BCL2L1: variants seen among roughly 807,000 people sequenced by gnomAD.
BCL2L1 encodes BCL2 like 1.
In BCL2L1, 1 loss-of-function variant was observed where a neutral mutation model predicts 18.7. That is an observed-to-expected ratio of 0.05 (90% confidence interval 0.02 to 0.25). BCL2L1 has a LOEUF of 0.25. Among genes scored for constraint, BCL2L1 ranks in the 10% least tolerant of loss-of-function variants. The pLI is 1.00. For missense variants in BCL2L1, 207 were observed against 304.9 expected, an observed-to-expected ratio of 0.68 and a Z score of 2.39; for synonymous variants, 103 against 122.7, an observed-to-expected ratio of 0.84 and a Z score of 1.06.
intron 2 of BCL2L1, among the ~76,000 whole-genome samples, chr20:31,709,767 G>A (rs1568893646): frequency 3.3e-5 from 5 of 149,308 alleles, no homozygotes; most frequent in African/African-American, 1.2e-4. Flanking sequence ...CCTGGGAGGC[G>A]GAGCTTGCAG....
intron 2 of BCL2L1, among the ~76,000 whole-genome samples, chr20:31,683,667 G>A (rs1392333451): frequency 6.7e-6 from 1 of 150,126 alleles, no homozygotes; most frequent in Admixed American, 6.8e-5. Context: ...TACTCAAGAG[G>A]CTGAGGCAAA....
At chr20:31,692,863 C>T (rs1000168398) in intron 2 of BCL2L1, among the ~76,000 whole-genome samples, 8 of 151,634 alleles carry the variant, frequency 5.3e-5, no homozygotes, top group South Asian at 2.1e-4. Flanking sequence ...AAGCCAAGAT[C>T]GCACCACACT....
intron 2 of BCL2L1, among the ~76,000 whole-genome samples, chr20:31,713,847 G>A (rs2061487103): frequency 6.6e-6 from 1 of 152,210 alleles, no homozygotes; most frequent in South Asian, 2.1e-4. Flanking sequence ...TAGTAGTCAA[G>A]TTCCAATTTG....
At chr20:31,678,584 A>C (rs1046874482) in intron 2 of BCL2L1, among the ~76,000 whole-genome samples, 5 of 152,172 alleles carry the variant, frequency 3.3e-5, no homozygotes, top group Admixed American at 1.3e-4. Flanking sequence ...AAGTAGGAGA[A>C]CTTGTTGCCA....
chr20:31,717,027 C>T (rs2061547815), intron 2 of BCL2L1, among the ~76,000 whole-genome samples: 1 of 152,106 alleles, frequency 6.6e-6, no homozygotes, highest in Non-Finnish European at 1.5e-5. Context: ...AGAGGGAGTC[C>T]TTAGGGAGGA....
intron 2 of BCL2L1, among the ~76,000 whole-genome samples, chr20:31,684,078 C>T (rs2060914097): frequency 6.6e-6 from 1 of 152,116 alleles, no homozygotes; most frequent in Non-Finnish European, 1.5e-5. Context: ...AGACCCAGGG[C>T]AGAGTCAGCC....
intron 2 of BCL2L1, among the ~76,000 whole-genome samples, chr20:31,695,171 C>G (rs1042110870): frequency 1.3e-5 from 2 of 152,214 alleles, no homozygotes; most frequent in African/African-American, 2.4e-5. Context: ...CCCATCCACC[C>G]TGGTATAAAC....
At position 31,722,232 on chromosome 20, in the gene BCL2L1, A is replaced by C; in HGVS notation, c.-14T>G. 1 of 1,488,092 alleles carries C rather than the reference A, an allele frequency of 6.7e-7. No individual in the cohort carries two copies. Among genetic ancestry groups the C allele is most frequent in the Non-Finnish European group, 8.9e-7 (1 of 1,124,206 alleles). 92.2% of individuals were successfully genotyped at this position (1,488,092 alleles called of 1,614,324 possible). A position where few individuals can be genotyped will look rare whatever the true frequency, so the allele number is the denominator to read the frequency against. On this transcript the variant is annotated 5_prime_UTR_variant, in exon 2 of 3. Coordinates refer to ENST00000307677, the MANE Select transcript of BCL2L1 (RefSeq NM_138578.3). Reference sequence around the variant, plus strand: ...GCTCTGAGACATTTTTATAATAGGGATGGGCTCAACCAGTCCATTGTCCAA... The same window carrying C: ...GCTCTGAGACATTTTTATAATAGGGCTGGGCTCAACCAGTCCATTGTCCAA...
At chr20:31,683,998 G>A (rs111925138) in intron 2 of BCL2L1, among the ~76,000 whole-genome samples, 15 of 152,152 alleles carry the variant, frequency 9.9e-5, no homozygotes, top group African/African-American at 3.6e-4. Flanking sequence ...AACAGAAAAT[G>A]TCCATCTGCA....
At chr20:31,671,902 C>CTA (rs974120229) in intron 2 of BCL2L1, among the ~76,000 whole-genome samples, 1 of 143,786 alleles carries the variant, frequency 7.0e-6, no homozygotes, top group East Asian at 2.0e-4. Flanking sequence ...ACTGTATATA[C>CTA]TATATATATA....
chr20:31,667,985 TA>T (rs1451957956), intron 2 of BCL2L1, among the ~76,000 whole-genome samples: 3 of 152,094 alleles, frequency 2.0e-5, no homozygotes, highest in African/African-American at 7.2e-5. Flanking sequence ...ACACCTGAAA[TA>T]AAGTCCCCAC....
chr20:31,680,593 C>T (rs907619242), intron 2 of BCL2L1, among the ~76,000 whole-genome samples: 4 of 152,176 alleles, frequency 2.6e-5, no homozygotes, highest in African/African-American at 9.7e-5. Context: ...GGGACATGAC[C>T]TATTTGTAAG....
At chr20:31,712,263 G>T (rs1410421784) in intron 2 of BCL2L1, among the ~76,000 whole-genome samples, 1 of 152,202 alleles carries the variant, frequency 6.6e-6, no homozygotes, top group African/African-American at 2.4e-5. Context: ...TTAAAAGGGG[G>T]AGGTTGGAAG....
chr20:31,670,977 T>A (rs566347238), intron 2 of BCL2L1, among the ~76,000 whole-genome samples: 22 of 152,248 alleles, frequency 1.4e-4, no homozygotes, highest in African/African-American at 5.3e-4. Context: ...CAGGCTGGCA[T>A]GGTAGGCAGG....
chr20:31,723,356 G>A (rs1358106524), upstream of BCL2L1: 1 of 985,416 alleles, frequency 1.0e-6, no homozygotes, highest in Admixed American at 6.1e-5. Context: ...CTCAGGTCAG[G>A]AAGAGGGGTC....
intron 2 of BCL2L1, among the ~76,000 whole-genome samples, chr20:31,702,109 AGAG>A (rs1212024726): frequency 6.6e-6 from 1 of 152,242 alleles, no homozygotes; most frequent in African/African-American, 2.4e-5. Context: ...AAAGTCTCTC[AGAG>A]GAGGTGACCA....
intron 2 of BCL2L1, chr20:31,713,437 A>G (rs890921520): frequency 6.1e-6 from 6 of 984,918 alleles, no homozygotes; most frequent in Non-Finnish European, 7.2e-6. Flanking sequence ...CAGTTTCCAC[A>G]CTCTTGCCGG....
intron 2 of BCL2L1, among the ~76,000 whole-genome samples, chr20:31,696,660 C>T (rs1010790862): frequency 1.4e-4 from 21 of 152,186 alleles, no homozygotes; most frequent in South Asian, 4.1e-4. Flanking sequence ...CGCCTGTAAT[C>T]GCAGCACTTT....
intron 2 of BCL2L1, chr20:31,720,523 G>A: frequency 1.0e-6 from 1 of 985,330 alleles, no homozygotes; most frequent in Non-Finnish European, 1.2e-6. Context: ...TGCCTACAGT[G>A]ACCACTGGTA....
Sources: allele counts gnomAD v4.1 joint callset (sites outside exome capture counted in the v4.1 genomes callset), GRCh38; gene constraint gnomAD v4.1.1; transcripts MANE v1.5; gene names NCBI Gene and HGNC (gene_info 2026-07-23, HGNC 2026-07-21).